The following RASGEF1C variants were observed in gnomAD, a reference collection of about 807,000 sequenced individuals.
RASGEF1C encodes RasGEF domain family member 1C.
Under a neutral mutation model 58.1 loss-of-function variants are expected in RASGEF1C, and 27 were observed. That is an observed-to-expected ratio of 0.46 (90% confidence interval 0.34 to 0.64). The LOEUF (loss-of-function observed/expected upper bound fraction) is 0.64, where lower values mean the gene tolerates loss of function less well. RASGEF1C is among the 30% of genes least tolerant of loss of function. The pLI is 0.01. For missense variants in RASGEF1C, 502 were observed against 605.1 expected, an observed-to-expected ratio of 0.83 and a Z score of 1.79; for synonymous variants, 243 against 246.3, an observed-to-expected ratio of 0.99 and a Z score of 0.13.
At chr5:180,153,580 T>C (rs1007010575) in intron 1 of RASGEF1C, among the ~76,000 whole-genome samples, 1 of 152,224 alleles carries the variant, frequency 6.6e-6, no homozygotes, top group Non-Finnish European at 1.5e-5. Context: ...CCCTGACTTC[T>C]TCTCATTACT....
At position 180,137,829 on chromosome 5, in the gene RASGEF1C, G is replaced by A. The variant is rs764398633; in HGVS notation, c.177+47C>T. ...CGCCCAACCCTGATGCCCCCCGTGC[G>A]TGGTGGAGGAGAGCCCACTCTCCTG... is the stretch of plus-strand genomic sequence containing the variant. On this transcript the variant is annotated intron_variant, in intron 2 of 13. Transcript: ENST00000361132. This position sits in a 1 kb window ranked among gnomAD's most constrained non-coding sequence, Gnocchi z 4.1. The A allele has an allele frequency of 1.2e-5, 20 of 1,604,286 alleles. No individual in the cohort carries two copies. Among genetic ancestry groups the A allele is most frequent in the African/African-American group, 8.0e-5 (6 of 74,814 alleles).
intron 1 of RASGEF1C, among the ~76,000 whole-genome samples, chr5:180,172,129 C>G (rs1767117440): frequency 2.6e-5 from 4 of 152,214 alleles, no homozygotes; most frequent in Admixed American, 1.3e-4. Context: ...GCCCATCTAC[C>G]CTGTCCGATT....
In RASGEF1C at chr5:180,138,794, C is replaced by T. The variant is rs572268299; in HGVS notation, c.-6-736G>A. Among the ~76,000 whole-genome samples the T allele has an allele frequency of 2.6e-5, 4 of 152,332 alleles. No individual in the cohort carries two copies. In the South Asian group the frequency reaches 8.3e-4, roughly 32 times the overall value. On this transcript the variant is annotated intron_variant, in intron 1 of 13. Coordinates refer to ENST00000361132, the MANE Select transcript of RASGEF1C (RefSeq NM_175062.4). Reference sequence around the variant, plus strand: ...GCTCTTGGCACCAGCCACGTTCTCTCCTCCAAATGCCTTCTCCAACTCTGA... The same window carrying T: ...GCTCTTGGCACCAGCCACGTTCTCTTCTCCAAATGCCTTCTCCAACTCTGA...
rs1423109816 is a variant in RASGEF1C at position 180,198,293 on chromosome 5, A to C, written c.-7+10735T>G. ...GTCAAAGACACATGTCGGGTGCCCAAGAAGGGAAGAAAGTGAAGGCATACT... is the reference window on the plus strand; with the variant it reads ...GTCAAAGACACATGTCGGGTGCCCACGAAGGGAAGAAAGTGAAGGCATACT... On this transcript the variant is annotated intron_variant, in intron 1 of 13. Transcript: ENST00000361132. The surrounding 1 kb of genome is among the most constrained non-coding windows in gnomAD (Gnocchi z 4.5). Among the ~76,000 whole-genome samples, 2 of 152,256 alleles carry C rather than the reference A, an allele frequency of 1.3e-5. No homozygotes were observed. Among genetic ancestry groups the C allele is most frequent in the East Asian group, 3.8e-4 (2 of 5,200 alleles).
At chr5:180,173,141 A>G (rs1475490105) in intron 1 of RASGEF1C, among the ~76,000 whole-genome samples, 1 of 152,176 alleles carries the variant, frequency 6.6e-6, no homozygotes, top group Non-Finnish European at 1.5e-5. Context: ...GCCCTTTTAG[A>G]CTGCGAATTT....
At chr5:180,104,837 T>C (rs1765848570) in intron 12 of RASGEF1C, among the ~76,000 whole-genome samples, 1 of 152,248 alleles carries the variant, frequency 6.6e-6, no homozygotes, top group South Asian at 2.1e-4. Context: ...GTTCATTTCA[T>C]TTAAATTGTT....
At chr5:180,191,503 C>T (rs1261532343) in intron 1 of RASGEF1C, among the ~76,000 whole-genome samples, 4 of 152,152 alleles carry the variant, frequency 2.6e-5, no homozygotes, top group African/African-American at 9.7e-5. Context: ...ACTACAGGCG[C>T]CCGCCACCAC....
At chr5:180,138,191 C>T in intron 1 of RASGEF1C, 133 bp from the exon 2 acceptor site, 1 of 543,238 alleles carries the variant, frequency 1.8e-6, no homozygotes, top group Non-Finnish European at 3.2e-6. Flanking sequence ...CAGCTTGAGT[C>T]CAGTGGTCAC....
At chr5:180,127,521 T>C (rs891127864) in intron 6 of RASGEF1C, 88 bp downstream of exon 6, 2 of 1,342,638 alleles carry the variant, frequency 1.5e-6, no homozygotes, top group Non-Finnish European at 1.0e-6. Flanking sequence ...ACTCCAGCGC[T>C]CGCCCAGAGA....
chr5:180,102,664 GGTTTTGTTTT>G (rs149505914), intron 12 of RASGEF1C, among the ~76,000 whole-genome samples: 10 of 150,480 alleles, frequency 6.6e-5, no homozygotes, highest in African/African-American at 2.2e-4. Context: ...TCCTCCATTG[GGTTTTGTTTT>G]GTTTTGTTTT....
In RASGEF1C at chr5:180,158,985, T is replaced by C. The variant is rs554454144; in HGVS notation, c.-6-20927A>G. 1.3e-5 allele frequency among the ~76,000 whole-genome samples: 2 copies of C among 152,160 alleles called. No individual in the cohort carries two copies. The highest frequency in any genetic ancestry group is 2.9e-5 in the Non-Finnish European group (2 of 68,028). On this transcript the variant is annotated intron_variant, in intron 1 of 13. Transcript: ENST00000361132. The surrounding 1 kb of genome is among the most constrained non-coding windows in gnomAD (Gnocchi z 4.0). ...ACTTTCTGAAAGCATTTCAATTTTA[T>C]CTTCTAAATCTTTTATTTCTGCTGA...
intron 1 of RASGEF1C, among the ~76,000 whole-genome samples, chr5:180,170,785 G>A (rs1230377175): frequency 2.0e-5 from 3 of 152,242 alleles, no homozygotes; most frequent in Non-Finnish European, 4.4e-5. Flanking sequence ...CAGCCAAACA[G>A]GCTTCACAGG....
Position 180,190,504 on chromosome 5 carries a change from AAAAAT to A in RASGEF1C, c.-7+18519_-7+18523del, listed in dbSNP as rs1235596001. ...GACTCCGTCTCAAAAAAAAAAAAAA[AAAAAT>A]AATAATAATAATAATAATAATTAGC... On this transcript the variant is annotated intron_variant, in intron 1 of 13. Coordinates refer to ENST00000361132, the MANE Select transcript of RASGEF1C (RefSeq NM_175062.4). 4.9e-3 allele frequency among the ~76,000 whole-genome samples: 459 copies of A among 94,076 alleles called. 3 individuals are homozygous for A. Among genetic ancestry groups the A allele is most frequent in the South Asian group, 9.7e-3 (24 of 2,486 alleles). The allele number at this position is 94,076 out of a possible 152,430, so 61.7% of individuals were successfully genotyped here.
chr5:180,193,685 C>T (rs1173350331), intron 1 of RASGEF1C, among the ~76,000 whole-genome samples: 4 of 152,194 alleles, frequency 2.6e-5, no homozygotes, highest in South Asian at 4.1e-4. Context: ...AAATGCAGCA[C>T]GTGGGACGTG....
At chr5:180,121,318 A>AT (rs34192976) in intron 6 of RASGEF1C, among the ~76,000 whole-genome samples, 169 bp from the exon 7 acceptor site, 39,024 of 147,652 alleles carry the variant, frequency 0.26, 5,531 homozygotes, top group African/African-American at 0.37. Context: ...TTAAAAGTAC[A>AT]TTTTTTTTTT....
intron 1 of RASGEF1C, among the ~76,000 whole-genome samples, chr5:180,208,393 C>T (rs1581135670): frequency 6.6e-6 from 1 of 152,288 alleles, no homozygotes; most frequent in South Asian, 2.1e-4. Flanking sequence ...CAGCACCCTT[C>T]CCCAAGTCCC....
chr5:180,135,806 G>T (rs959271668), intron 4 of RASGEF1C, among the ~76,000 whole-genome samples: 1 of 152,250 alleles, frequency 6.6e-6, no homozygotes, highest in Non-Finnish European at 1.5e-5. Context: ...GCAGGGGGAG[G>T]TCTTGTCCCC....
chr5:180,201,420 TAAC>T lies in RASGEF1C; in HGVS notation c.-7+7605_-7+7607del, dbSNP rs1055008629. Among the ~76,000 whole-genome samples the T allele has an allele frequency of 3.8e-4, 58 of 152,286 alleles. 1 individual carries two copies. The highest frequency in any genetic ancestry group is 1.3e-3 in the African/African-American group (56 of 41,562). On this transcript the variant is annotated intron_variant, in intron 1 of 13. Transcript: ENST00000361132. ...AAGCACAAGAAAATGGTGCACTTCA[TAAC>T]AACAACAGGAGAGGGCGCTCTTACA...
At chr5:180,182,423 A>G (rs1207868233) in intron 1 of RASGEF1C, among the ~76,000 whole-genome samples, 1 of 152,102 alleles carries the variant, frequency 6.6e-6, no homozygotes, top group South Asian at 2.1e-4. Context: ...TTTATTGTGA[A>G]GACCAAAAGA....
Sources: gnomAD v4.1 joint callset for allele counts (sites outside exome capture counted in the v4.1 genomes callset) on GRCh38, gnomAD v4.1.1 for gene constraint, Gnocchi (gnomAD v3.1) non-coding constraint, MANE v1.5 for transcripts, NCBI Gene and HGNC (gene_info 2026-07-23, HGNC 2026-07-21) for gene names.